Variants in TMEM164 observed in about 807,000 individuals in gnomAD.
TMEM164 encodes the protein RP13-360B22.2.
A neutral mutation model predicts 18.8 loss-of-function variants in TMEM164; 4 were observed. That is an observed-to-expected ratio of 0.21 (90% CI 0.10 to 0.49). The LOEUF (loss-of-function observed/expected upper bound fraction) is 0.49. Among genes scored for constraint, TMEM164 ranks in the 20% least tolerant of loss-of-function variants. The pLI is 0.98. For missense variants in TMEM164, 108 were observed against 239.9 expected (o/e 0.45, Z 3.63); for synonymous variants, 86 against 101.7 (o/e 0.85, Z 0.93).
intron 4 of TMEM164, among the ~76,000 whole-genome samples, chrX:110,126,490 G>A (rs773997686): frequency 8.9e-6 from 1 of 111,961 alleles, no homozygotes; most frequent in South Asian, 3.8e-4. Flanking sequence ...TTTCTAAGGG[G>A]ATATCAATGC....
chrX:110,149,236 A>C (rs1200345750), intron 5 of TMEM164, among the ~76,000 whole-genome samples: 1 of 111,667 alleles, frequency 9.0e-6, no homozygotes, highest in African/African-American at 3.3e-5. Flanking sequence ...ACCTGAAATC[A>C]CCTCATACAT....
chrX:110,052,224 T>C (rs137869785), intron 2 of TMEM164, among the ~76,000 whole-genome samples: 1,572 of 111,813 alleles, frequency 0.014, 13 homozygotes, highest in Non-Finnish European at 0.024. Flanking sequence ...TTTGCTTTCC[T>C]ATGGAAAGGC....
chrX:110,054,528 C>T (rs192921079), intron 2 of TMEM164, among the ~76,000 whole-genome samples: 18 of 112,019 alleles, frequency 1.6e-4, no homozygotes, highest in South Asian at 3.7e-4. Flanking sequence ...AAGAAACAAA[C>T]GCAACATCTG....
At chrX:110,146,783 A>T (rs931262650) in intron 5 of TMEM164, among the ~76,000 whole-genome samples, 7 of 111,927 alleles carry the variant, frequency 6.3e-5, no homozygotes, top group Non-Finnish European at 1.3e-4. Context: ...GCATTGAGAG[A>T]AACATCTGGA....
chrX:110,065,711 T>G (rs189938408), intron 2 of TMEM164, among the ~76,000 whole-genome samples: 46 of 111,855 alleles, frequency 4.1e-4, no homozygotes, highest in Middle Eastern at 4.6e-3. Flanking sequence ...TTTTTTGGAT[T>G]TCAGAGAGGC....
chrX:110,049,500 A>T (rs1194859310), intron 2 of TMEM164, among the ~76,000 whole-genome samples: 2 of 111,174 alleles, frequency 1.8e-5, no homozygotes, highest in South Asian at 7.6e-4. Context: ...TCATGCTCCT[A>T]TGAGAATATA....
At chrX:110,146,689 C>G (rs2066860061) in intron 5 of TMEM164, among the ~76,000 whole-genome samples, 1 of 111,812 alleles carries the variant, frequency 8.9e-6, no homozygotes. Flanking sequence ...ATCTGGCCAA[C>G]TTTGAGCTAT....
At chrX:110,126,587 T>C (rs1289640465) in intron 4 of TMEM164, among the ~76,000 whole-genome samples, 1 of 111,772 alleles carries the variant, frequency 8.9e-6, no homozygotes, top group Non-Finnish European at 1.9e-5. Context: ...TTTAGCGATC[T>C]CCTGGGACAC....
At chrX:110,104,829 T>A (rs2147959839) in intron 3 of TMEM164, among the ~76,000 whole-genome samples, 1 of 111,626 alleles carries the variant, frequency 9.0e-6, no homozygotes, top group East Asian at 2.8e-4. Flanking sequence ...TTAAAAGTTA[T>A]AGGCAGATTT....
intron 3 of TMEM164, among the ~76,000 whole-genome samples, chrX:110,084,609 C>A (rs1489688667): frequency 9.7e-6 from 1 of 103,222 alleles, no homozygotes; most frequent in Non-Finnish European, 2.0e-5. Context: ...CCACTGCACT[C>A]AGCCTGGTTG....
intron 4 of TMEM164, among the ~76,000 whole-genome samples, chrX:110,112,589 G>A (rs2066305970): frequency 8.9e-6 from 1 of 112,300 alleles, no homozygotes; most frequent in East Asian, 2.8e-4. Context: ...ATGTGCCACT[G>A]TTCTAAGTGC....
chrX:110,105,750 T>A (rs12847552), intron 3 of TMEM164, among the ~76,000 whole-genome samples: 3,705 of 70,055 alleles, frequency 0.053, no homozygotes, highest in East Asian at 0.15. Context: ...AGAGAGAGAA[T>A]GAGAGAGAGA....
intron 4 of TMEM164, among the ~76,000 whole-genome samples, chrX:110,132,004 A>C (rs1169172552): frequency 9.0e-6 from 1 of 111,438 alleles, no homozygotes; most frequent in Non-Finnish European, 1.9e-5. Context: ...AGTAGACTTT[A>C]TTTCTTTTCC....
At chrX:110,155,504 C>T (rs1232441816) in intron 5 of TMEM164, among the ~76,000 whole-genome samples, 4 of 110,726 alleles carry the variant, frequency 3.6e-5, no homozygotes, top group East Asian at 2.8e-4. Flanking sequence ...TCTTCCTCTG[C>T]GTCTTCCCAT....
chrX:110,173,206 G>C, intron 6 of TMEM164, 39 bp from the exon 7 acceptor site: 1 of 1,188,747 alleles, frequency 8.4e-7, no homozygotes, highest in Non-Finnish European at 1.1e-6. Flanking sequence ...GAAAGCCTAA[G>C]GATGGTGAAC....
intron 2 of TMEM164, among the ~76,000 whole-genome samples, chrX:110,021,713 C>T (rs1218854769): frequency 8.9e-6 from 1 of 111,824 alleles, no homozygotes; most frequent in African/African-American, 3.3e-5. Flanking sequence ...CCAATTAAGC[C>T]TCTGATACAT....
At chrX:110,029,213 G>T (rs189697915) in intron 2 of TMEM164, among the ~76,000 whole-genome samples, 4 of 111,730 alleles carry the variant, frequency 3.6e-5, no homozygotes, top group Non-Finnish European at 7.5e-5. Context: ...ATCCTCAAGT[G>T]CCAGAGGCTT....
intron 5 of TMEM164, among the ~76,000 whole-genome samples, chrX:110,153,348 C>A (rs6655125): frequency 0.1 from 11,675 of 111,622 alleles, 1,471 homozygotes; most frequent in African/African-American, 0.36. Flanking sequence ...GGATGTATTC[C>A]TGTACTGCAA....
At chrX:110,144,278 C>A (rs769468316) in intron 4 of TMEM164, among the ~76,000 whole-genome samples, 2 of 111,759 alleles carry the variant, frequency 1.8e-5, no homozygotes, top group Non-Finnish European at 3.8e-5. Flanking sequence ...TCCATATATT[C>A]TTCATGTCAA....
Sources: allele counts gnomAD v4.1 joint callset (sites outside exome capture counted in the v4.1 genomes callset), GRCh38; gene constraint gnomAD v4.1.1; transcripts MANE v1.5; gene names NCBI Gene and HGNC (gene_info 2026-07-23, HGNC 2026-07-21).